NXPH1: variants seen among roughly 807,000 people sequenced by gnomAD.
The protein encoded by NXPH1 is neurexophilin-1.
In NXPH1, 5 loss-of-function variants were observed where a neutral mutation model predicts 23.7. The ratio of observed to expected loss-of-function variants is 0.21; its 90% confidence interval spans 0.11 to 0.44. NXPH1 has a LOEUF of 0.44. Ranked by LOEUF, NXPH1 falls within the 20% of genes least tolerant of loss-of-function variation. The pLI is 0.99. For missense variants in NXPH1, 324 were observed against 321.6 expected (o/e 1.01, Z -0.06); for synonymous variants, 144 against 122.2 (o/e 1.18, Z -1.18).
chr7:8,705,671 C>T (rs530187630), intron 2 of NXPH1, among the ~76,000 whole-genome samples: 3 of 152,138 alleles, frequency 2.0e-5, no homozygotes, highest in Non-Finnish European at 4.4e-5. Context: ...ATCAACGTAG[C>T]CCTTTGGACG....
chr7:8,698,243 T>C (rs1779565969), intron 2 of NXPH1, among the ~76,000 whole-genome samples: 1 of 152,192 alleles, frequency 6.6e-6, no homozygotes, highest in South Asian at 2.1e-4. Flanking sequence ...TTCATGGAGG[T>C]AATAAACCTA....
chr7:8,656,597 G>A (rs180822602), intron 2 of NXPH1, among the ~76,000 whole-genome samples: 1 of 150,996 alleles, frequency 6.6e-6, no homozygotes, highest in African/African-American at 2.4e-5. Context: ...CAATGTGCGG[G>A]TTAGTTACAT....
chr7:8,533,194 A>G (rs990550097), intron 2 of NXPH1, among the ~76,000 whole-genome samples: 1 of 151,994 alleles, frequency 6.6e-6, no homozygotes, highest in East Asian at 1.9e-4. Flanking sequence ...TATTTTACCC[A>G]CTATCATTAT....
intron 2 of NXPH1, among the ~76,000 whole-genome samples, chr7:8,471,877 T>A (rs1296731806): frequency 1.3e-5 from 2 of 152,114 alleles, no homozygotes; most frequent in East Asian, 3.9e-4. Flanking sequence ...AGGTAGAGTA[T>A]AATCTCATGG....
At chr7:8,711,960 A>G (rs1375055585) in intron 2 of NXPH1, among the ~76,000 whole-genome samples, 1 of 152,240 alleles carries the variant, frequency 6.6e-6, no homozygotes, top group African/African-American at 2.4e-5. Flanking sequence ...TGAGGCAATT[A>G]TGTTCACATT....
intron 2 of NXPH1, among the ~76,000 whole-genome samples, chr7:8,482,766 G>T (rs924767523): frequency 2.6e-5 from 4 of 152,116 alleles, no homozygotes; most frequent in African/African-American, 9.7e-5. Context: ...TTGCTGTTTG[G>T]TAGGAGTGAC....
At chr7:8,664,294 C>T (rs1278827757) in intron 2 of NXPH1, among the ~76,000 whole-genome samples, 1 of 152,048 alleles carries the variant, frequency 6.6e-6, no homozygotes, top group African/African-American at 2.4e-5. Context: ...AACATGTGCA[C>T]TCTTCTTTCC....
intron 2 of NXPH1, among the ~76,000 whole-genome samples, chr7:8,681,002 C>G (rs1306040578): frequency 2.0e-5 from 3 of 152,188 alleles, no homozygotes; most frequent in African/African-American, 7.2e-5. Flanking sequence ...CAAACTGAGG[C>G]TACAGAGGTA....
At position 8,574,321 on chromosome 7, in the gene NXPH1, C is replaced by T. The variant is rs1297344152; in HGVS notation, c.54+138554C>T. Reference sequence around the variant, plus strand: ...AAGAGATGGGGTCTTTCTATGTTGCCCAGGCTTGTCTCCAGCTCCTGGGCT... The same window carrying T: ...AAGAGATGGGGTCTTTCTATGTTGCTCAGGCTTGTCTCCAGCTCCTGGGCT... On this transcript the variant is annotated intron_variant, in intron 2 of 2. Coordinates refer to ENST00000405863, the MANE Select transcript of NXPH1 (RefSeq NM_152745.3). Among the ~76,000 whole-genome samples the T allele has an allele frequency of 6.6e-5, 10 of 152,010 alleles. No individual in the cohort carries two copies. In the East Asian group the frequency reaches 1.7e-3, roughly 27 times the overall value.
intron 2 of NXPH1, among the ~76,000 whole-genome samples, chr7:8,674,162 GACACACACACACACACACACACAC>G (rs35790323): frequency 9.3e-5 from 8 of 86,104 alleles, no homozygotes; most frequent in African/African-American, 2.0e-4. Context: ...CAAACATATA[GACACACACACACACACACACACAC>G]ACACACACAC....
At chr7:8,736,949 C>A (rs936065692) in intron 2 of NXPH1, among the ~76,000 whole-genome samples, 2 of 149,614 alleles carry the variant, frequency 1.3e-5, no homozygotes, top group African/African-American at 5.1e-5. Flanking sequence ...GGATTGCAAC[C>A]CCTACCTTTT....
At chr7:8,536,764 T>A (rs79138284) in intron 2 of NXPH1, among the ~76,000 whole-genome samples, 36 of 152,048 alleles carry the variant, frequency 2.4e-4, no homozygotes, top group African/African-American at 8.7e-4. Context: ...GGCTTAGAGT[T>A]GTGGAAATGG....
chr7:8,564,244 G>A (rs970654857), intron 2 of NXPH1, among the ~76,000 whole-genome samples: 2 of 151,794 alleles, frequency 1.3e-5, no homozygotes, highest in African/African-American at 4.8e-5. Context: ...TAGCAAAACA[G>A]ATTCAAGCCA....
At chr7:8,460,587 C>T (rs145721884) in intron 2 of NXPH1, among the ~76,000 whole-genome samples, 6 of 152,320 alleles carry the variant, frequency 3.9e-5, no homozygotes, top group Non-Finnish European at 7.3e-5. Context: ...CTATCTTTTA[C>T]ATTTTGCATT....
chr7:8,459,870 A>G (rs903078892), intron 2 of NXPH1, among the ~76,000 whole-genome samples: 1 of 152,224 alleles, frequency 6.6e-6, no homozygotes, highest in Admixed American at 6.5e-5. Flanking sequence ...GTGAATGAAC[A>G]TTGCAGGGCT....
Position 8,476,046 on chromosome 7 carries a change from C to T in NXPH1, c.54+40279C>T, listed in dbSNP as rs550604625. On this transcript the variant is annotated intron_variant, in intron 2 of 2. Transcript: ENST00000405863. ...TGAAATGATGCTAATATTGCTCTTA[C>T]ATGATGCAAGTAATGTTCTGAAAGT... 3.5e-4 allele frequency among the ~76,000 whole-genome samples: 54 copies of T among 152,222 alleles called. 1 individual carries two copies. In the South Asian group the frequency reaches 0.011, roughly 30 times the overall value.
chr7:8,538,096 T>C (rs1818057005), intron 2 of NXPH1, among the ~76,000 whole-genome samples: 1 of 151,912 alleles, frequency 6.6e-6, no homozygotes, highest in African/African-American at 2.4e-5. Context: ...AGAACACCTA[T>C]ATCAAAATAT....
intron 2 of NXPH1, among the ~76,000 whole-genome samples, chr7:8,631,568 T>C (rs953144564): frequency 6.6e-6 from 1 of 151,524 alleles, no homozygotes; most frequent in Admixed American, 6.6e-5. Context: ...TTTTTTTTTC[T>C]AGTATGGTGC....
chr7:8,526,378 G>A (rs951603499), intron 2 of NXPH1, among the ~76,000 whole-genome samples: 1 of 152,166 alleles, frequency 6.6e-6, no homozygotes, highest in African/African-American at 2.4e-5. Flanking sequence ...GACTTGACTT[G>A]TCTTAGATGA....
Sources: gnomAD v4.1 joint callset for allele counts (sites outside exome capture counted in the v4.1 genomes callset) on GRCh38, gnomAD v4.1.1 for gene constraint, MANE v1.5 for transcripts, NCBI Gene and HGNC (gene_info 2026-07-23, HGNC 2026-07-21) for gene names.